Variants in D2HGDH observed in about 807,000 individuals in gnomAD.
D2HGDH encodes the protein D-2-hydroxyglutarate dehydrogenase, mitochondrial.
A neutral mutation model predicts 46.9 loss-of-function variants in D2HGDH; 31 were observed. The ratio of observed to expected loss-of-function variants is 0.66; its 90% CI spans 0.50 to 0.89. D2HGDH has a LOEUF of 0.89. Among genes scored for constraint, D2HGDH ranks in the 40% least tolerant of loss-of-function variants. The pLI is 0.00. For synonymous variants in D2HGDH, 364 were observed against 332.6 expected, an observed-to-expected ratio of 1.09 and a Z score of -1.03; for missense variants, 698 against 720.8, an observed-to-expected ratio of 0.97 and a Z score of 0.36.
At chr2:241,737,627 C>T (rs542878571) in intron 2 of D2HGDH, among the ~76,000 whole-genome samples, 4 of 152,172 alleles carry the variant, frequency 2.6e-5, no homozygotes, top group Admixed American at 2.6e-4. Context: ...GTAGCTGGGA[C>T]TACAGCTGGG....
intron 6 of D2HGDH, among the ~76,000 whole-genome samples, chr2:241,747,870 G>A (rs2125116179): frequency 6.6e-6 from 1 of 151,974 alleles, no homozygotes; most frequent in African/African-American, 2.4e-5. Context: ...GCTCCATTCT[G>A]CTTTTTTCTC....
chr2:241,755,373 C>T, intron 8 of D2HGDH: 1 of 1,303,964 alleles, frequency 7.7e-7, no homozygotes, highest in South Asian at 1.2e-5. Context: ...GCCCCCTTCC[C>T]TACCCTGCCC....
intron 7 of D2HGDH, among the ~76,000 whole-genome samples, 154 bp downstream of exon 7, chr2:241,750,448 T>C (rs34802755): frequency 0.092 from 14,022 of 152,162 alleles, 799 homozygotes; most frequent in Admixed American, 0.16. Context: ...GTTGGGCTCA[T>C]GTGTAAGAAA....
Position 241,744,736 on chromosome 2 carries a change from T to C in D2HGDH, c.712T>C (p.Cys238Arg). The C allele has an allele frequency of 1.2e-6, 2 of 1,614,094 alleles. No individual in the cohort carries two copies. The highest frequency in any genetic ancestry group is 1.3e-5 in the African/African-American group (1 of 75,074). Residue 238 changes from cysteine (C) to arginine (R), a missense_variant, in exon 6 of 10, where the codon TGC (cysteine) becomes CGC (arginine). Transcript: ENST00000321264. ...GCTGGCCGACGGCACTGTCCTGGAC[T>C]GCCTGACCTCCCTGAGGAAGGACAA... ...VVLADGTVLDCLTSLRKDNTG... is the reference protein window; with the variant it reads ...VVLADGTVLDRLTSLRKDNTG...
intron 9 of D2HGDH, among the ~76,000 whole-genome samples, chr2:241,758,411 C>T (rs555319118): frequency 6.6e-6 from 1 of 152,088 alleles, no homozygotes; most frequent in South Asian, 2.1e-4. Context: ...TAATTTTTTC[C>T]CATATTGGCA....
chr2:241,750,038 C>CT (rs1227669511), intron 6 of D2HGDH, 113 bp from the exon 7 acceptor site: 6 of 1,529,842 alleles, frequency 3.9e-6, no homozygotes, highest in Non-Finnish European at 5.4e-6. Context: ...CTCCTCGTGG[C>CT]TGCCCAGCTC....
At position 241,767,547 on chromosome 2, in the gene D2HGDH, C is replaced by T. The variant is rs71430386; in HGVS notation, c.1307-163C>T. On this transcript the variant is annotated intron_variant, in intron 9 of 9. Coordinates refer to ENST00000321264, the MANE Select transcript of D2HGDH (RefSeq NM_152783.5). ...GGAGAAGCCAAGGTAGCAGCGGCCC[C>T]AGAGGAGGGGTCGGCACGTCCAGGG... 7.6e-3 allele frequency among the ~76,000 whole-genome samples: 808 copies of T among 106,556 alleles called. 105 individuals carry two copies. Among genetic ancestry groups the T allele is most frequent in the East Asian group, 0.033 (94 of 2,860 alleles). The allele number at this position is 106,556 out of a possible 152,430, so 69.9% of individuals were successfully genotyped here.
intron 9 of D2HGDH, among the ~76,000 whole-genome samples, chr2:241,757,271 C>T (rs546019858): frequency 5.3e-5 from 8 of 152,188 alleles, no homozygotes; most frequent in South Asian, 4.2e-4. Context: ...GAGGATTTGA[C>T]ATAGGATGGA....
At chr2:241,750,487 A>C (rs1350752188) in intron 7 of D2HGDH, among the ~76,000 whole-genome samples, 193 bp downstream of exon 7, 2 of 152,082 alleles carry the variant, frequency 1.3e-5, no homozygotes, top group Non-Finnish European at 2.9e-5. Context: ...AGGACAAAGA[A>C]CAGGCTGCCC....
chr2:241,744,809 T>A lies in D2HGDH; in HGVS notation c.785T>A (p.Leu262Ter). The change falls in exon 6 of 10, where the codon TTG becomes TAG. Residue 262 changes from leucine (L) to a stop codon, truncating the protein, a stop_gained. Coordinates refer to ENST00000321264, the MANE Select transcript of D2HGDH (RefSeq NM_152783.5). LOFTEE classifies it high-confidence loss of function. Reference protein sequence around the residue: ...KQLFIGSEGTLGIITTVSILC... With the variant: ...KQLFIGSEGT ...CTGTTCATCGGGTCGGAGGGCACTT[T>A]GGGGATCATCACCACGGTGTCCATC... is the stretch of plus-strand genomic sequence containing the variant. 1 of 1,614,120 alleles carries A rather than the reference T, an allele frequency of 6.2e-7. No individual in the cohort carries two copies. Among genetic ancestry groups the A allele is most frequent in the Non-Finnish European group, 8.5e-7 (1 of 1,180,012 alleles).
chr2:241,749,832 G>C (rs1281571128), intron 6 of D2HGDH: 2 of 404,878 alleles, frequency 4.9e-6, no homozygotes, highest in Non-Finnish European at 9.4e-6. Flanking sequence ...ATCTGATGCT[G>C]GTGGTGACAC....
At position 241,735,483 on chromosome 2, in the gene D2HGDH, G is replaced by C; in HGVS notation, c.259G>C (p.Ala87Pro). ...GVVTDPEALQ[A>P]PNVDWLRTLR... ...CGTCACGGACCCGGAAGCGCTGCAG[G>C]CTCCCAACGTGGACTGGTTGCGGAC... The change falls in exon 2 of 10, where the codon GCT becomes CCT. Residue 87 changes from alanine to proline, a missense_variant. By Grantham distance (27) the Ala-to-Pro change is conservative (BLOSUM62 -1). Coordinates refer to ENST00000321264, the MANE Select transcript of D2HGDH (RefSeq NM_152783.5). The C allele has an allele frequency of 1.2e-6, 2 of 1,608,546 alleles. No individual in the cohort carries two copies. The highest frequency in any genetic ancestry group is 1.7e-6 in the Non-Finnish European group (2 of 1,179,780).
chr2:241,736,315 G>C (rs1417479533), intron 2 of D2HGDH: 1 of 152,320 alleles, frequency 6.6e-6, no homozygotes, highest in Non-Finnish European at 1.5e-5. Context: ...CTGGGCAACA[G>C]AGCAAGACTA....
In D2HGDH at chr2:241,756,025, C is replaced by T. The variant is rs927113171; in HGVS notation, c.1306+11C>T. On this transcript the variant is annotated intron_variant, in intron 9 of 9. Transcript: ENST00000321264. Reference sequence around the variant, plus strand: ...GCTATGGCCACCTTGGTGAGCGGCGCCCCGGGGCCGCGGCCCTGTGTGTGC... The same window carrying T: ...GCTATGGCCACCTTGGTGAGCGGCGTCCCGGGGCCGCGGCCCTGTGTGTGC... The T allele has an allele frequency of 1.3e-6, 2 of 1,592,268 alleles. No homozygotes were observed. The highest frequency in any genetic ancestry group is 1.7e-6 in the Non-Finnish European group (2 of 1,165,176).
At chr2:241,754,994 G>T in intron 8 of D2HGDH, 1 of 1,254,322 alleles carries the variant, frequency 8.0e-7, no homozygotes, top group Non-Finnish European at 1.0e-6. Context: ...CAGGGGAGAG[G>T]TGGTCCTGCA....
At chr2:241,754,229 T>A (rs935094286) in intron 8 of D2HGDH, among the ~76,000 whole-genome samples, 27 of 152,098 alleles carry the variant, frequency 1.8e-4, no homozygotes, top group Non-Finnish European at 3.2e-4. Flanking sequence ...CGCCAGACCA[T>A]GGAGGCGAAA....
chr2:241,765,009 G>A (rs1167595718), intron 9 of D2HGDH, among the ~76,000 whole-genome samples: 1 of 152,200 alleles, frequency 6.6e-6, no homozygotes, highest in Non-Finnish European at 1.5e-5. Flanking sequence ...GCTCAGTGTG[G>A]GCTAAGTGGA....
chr2:241,751,720 T>G (rs1399587525), intron 8 of D2HGDH, among the ~76,000 whole-genome samples: 2 of 152,126 alleles, frequency 1.3e-5, no homozygotes, highest in Non-Finnish European at 2.9e-5. Flanking sequence ...CATAGAGTCG[T>G]GTGGAAGGAG....
chr2:241,755,723 C>CG, intron 8 of D2HGDH, 126 bp from the exon 9 acceptor site: 1 of 1,582,322 alleles, frequency 6.3e-7, no homozygotes, highest in Non-Finnish European at 8.5e-7. Context: ...ATTTGCTGTC[C>CG]GGGGTCGGAG....
Sources: gnomAD v4.1 joint callset for allele counts (sites outside exome capture counted in the v4.1 genomes callset) on GRCh38, gnomAD v4.1.1 for gene constraint, MANE v1.5 for transcripts, NCBI Gene and HGNC (gene_info 2026-07-23, HGNC 2026-07-21) for gene names.